The following KCNH2 variants were observed in gnomAD, a reference collection of about 807,000 sequenced individuals.
KCNH2 encodes the protein voltage-gated inwardly rectifying potassium channel KCNH2.
A neutral mutation model predicts 95.9 loss-of-function variants in KCNH2; 35 were observed. The observed-to-expected ratio is 0.37, with a 90% CI of 0.28 to 0.48. The LOEUF is 0.48. Among genes scored for constraint, KCNH2 ranks in the 20% least tolerant of loss-of-function variants. The pLI is 0.99. For missense variants in KCNH2, 1,274 were observed against 1,702.9 expected, an observed-to-expected ratio of 0.75 and a Z score of 4.43; for synonymous variants, 786 against 754.7, an observed-to-expected ratio of 1.04 and a Z score of -0.68.
chr7:150,955,058 G>A (rs913117732), intron 5 of KCNH2, among the ~76,000 whole-genome samples: 5 of 152,194 alleles, frequency 3.3e-5, no homozygotes, highest in African/African-American at 1.2e-4. Flanking sequence ...TCCTGGTCCT[G>A]CCCATGGGCT....
At chr7:150,975,707 G>T (rs572793985) in intron 1 of KCNH2, among the ~76,000 whole-genome samples, 2 of 152,242 alleles carry the variant, frequency 1.3e-5, no homozygotes, top group Non-Finnish European at 2.9e-5. Flanking sequence ...CTTGCAGCTT[G>T]TAAATGATAG....
chr7:150,946,982 C>A lies in KCNH2; in HGVS notation c.3225G>T (p.Pro1075=), dbSNP rs778119775. ...QLLQRQMTLV[P]PAYSAVTTPG... is the part of the protein sequence containing the mutation. The stretch of plus-strand genomic sequence containing the variant: ...GGGTGGTCACAGCACTGTAGGCGGG[C>A]GGGACCAGCGTCATCTGCCTCTGTA... The change falls in exon 14 of 15, where the codon CCG becomes CCT. Residue 1075 remains proline (P), a synonymous_variant. Transcript: ENST00000262186. The surrounding 1 kb of genome is among the most constrained non-coding windows in gnomAD (Gnocchi z 6.5). 2.5e-6 allele frequency: 4 copies of A among 1,609,824 alleles called. No individual in the cohort carries two copies. The highest frequency in any genetic ancestry group is 1.1e-5 in the South Asian group (1 of 90,766).
rs5888422 is a variant in KCNH2, at chr7:150,975,074, T to TC, written c.77-134dup. Reference sequence around the variant, plus strand: ...ACAGGAAGCATGGCTGGGACTGGGGTCCCAGCAGGGGGCGAACGCAGCTGT... The same window carrying TC: ...ACAGGAAGCATGGCTGGGACTGGGGTCCCCAGCAGGGGGCGAACGCAGCTGT... On this transcript the variant is annotated intron_variant, in intron 1 of 14. Transcript: ENST00000262186. The TC allele has an allele frequency of 1, 742,210 of 742,226 alleles. 371,097 individuals carry two copies. The highest frequency in any genetic ancestry group is 1 in the Middle Eastern group (2,550 of 2,550). The allele number at this position is 742,226 out of a possible 1,614,324, so 46.0% of individuals were successfully genotyped here.
intron 4 of KCNH2, 71 bp downstream of exon 4, chr7:150,957,988 C>T (rs1801433894): frequency 1.7e-6 from 2 of 1,205,280 alleles, no homozygotes; most frequent in East Asian, 5.9e-5. Flanking sequence ...AAGCCGAGGG[C>T]CCAGAATGCA....
rs1800958758 is a variant in KCNH2 at position 150,947,652 on chromosome 7, CA to C, written c.2918del (p.Leu973ArgfsTer84). On this transcript the variant is annotated frameshift_variant, in exon 12 of 15. Transcript: ENST00000262186. LOFTEE classifies it high-confidence loss of function. The part of the protein sequence containing the change: ...PPGEPPGGEP[L>X]MEDCEKSSDT... ...CGCTGCTCTTCTCGCAGTCCTCCAT[CA>C]GGGGCTCCCCACCCGGCGGCTCTCC... The C allele has an allele frequency of 6.2e-7, 1 of 1,611,430 alleles. No homozygotes were observed. The highest frequency in any genetic ancestry group is 8.5e-7 in the Non-Finnish European group (1 of 1,179,028).
chr7:150,972,773 G>C (rs1391519165), intron 2 of KCNH2, among the ~76,000 whole-genome samples: 1 of 152,194 alleles, frequency 6.6e-6, no homozygotes, highest in Non-Finnish European at 1.5e-5. Context: ...CCTTCCACCT[G>C]CAAGTCGAAT....
intron 9 of KCNH2, chr7:150,949,534 AT>A (rs1801053072): frequency 2.3e-6 from 2 of 883,264 alleles, no homozygotes. Context: ...TGAAACTTTG[AT>A]TTTAGTTTTG....
chr7:150,959,538 A>G, intron 3 of KCNH2, 34 bp downstream of exon 3: 5 of 1,611,036 alleles, frequency 3.1e-6, no homozygotes, highest in Non-Finnish European at 4.2e-6. Flanking sequence ...GAGACCACGA[A>G]CCCCTGAGCC....
chr7:150,966,266 C>T (rs895021108), intron 2 of KCNH2, among the ~76,000 whole-genome samples: 5 of 141,572 alleles, frequency 3.5e-5, no homozygotes, highest in African/African-American at 1.3e-4. Context: ...TCTGTCTTGG[C>T]TCCTAGCATA....
Position 150,952,568 on chromosome 7 carries a change from G to A in KCNH2, c.1414C>T (p.Arg472Cys), listed in dbSNP as rs776485360. 6 of 1,614,078 alleles carry A rather than the reference G, an allele frequency of 3.7e-6. No homozygotes were observed. The highest frequency in any genetic ancestry group is 1.1e-5 in the South Asian group (1 of 91,082). ...MFIVDILINF[R>C]TTYVNANEEV... The stretch of plus-strand genomic sequence containing the variant: ...TCGTTGGCATTGACGTAGGTGGTGC[G>A]GAAGTTGATGAGGATGTCCACAATG... Residue 472 changes from arginine to cysteine, a missense_variant, in exon 6 of 15, where the codon CGC becomes TGC. Physicochemically the swap from Arg to Cys is radical, Grantham distance 180 (BLOSUM62 -3). Transcript: ENST00000262186. This position sits in a 1 kb window ranked among gnomAD's most constrained non-coding sequence, Gnocchi z 7.3.
At chr7:150,949,749 G>A (rs1264877731) in intron 9 of KCNH2, 1 of 1,188,882 alleles carries the variant, frequency 8.4e-7, no homozygotes, top group Non-Finnish European at 1.1e-6. Context: ...GAAGTGGGGG[G>A]AGGGGGCAGG....
chr7:150,969,742 G>A (rs1801792270), intron 2 of KCNH2, among the ~76,000 whole-genome samples: 1 of 152,232 alleles, frequency 6.6e-6, no homozygotes, highest in African/African-American at 2.4e-5. Flanking sequence ...TCAAGGCCTG[G>A]TGGCGGGGAG....
Position 150,962,252 on chromosome 7 carries a change from CAGGAAGCCTT to C in KCNH2, c.308-2526_308-2517del, listed in dbSNP as rs1210627012. On this transcript the variant is annotated intron_variant, in intron 2 of 14. Coordinates refer to ENST00000262186, the MANE Select transcript of KCNH2 (RefSeq NM_000238.4). This position sits in a 1 kb window ranked among gnomAD's most constrained non-coding sequence, Gnocchi z 5.7. ...CCAGGACTGAGGAGAGGCTGGAGAC[CAGGAAGCCTT>C]AGCCCAAGAGACCCCAGCACCCACC... Among the ~76,000 whole-genome samples the C allele has an allele frequency of 1.3e-5, 2 of 152,204 alleles. No homozygotes were observed. The highest frequency in any genetic ancestry group is 4.8e-5 in the African/African-American group (2 of 41,442).
chr7:150,959,481 C>T (rs1362063183), intron 3 of KCNH2, 91 bp downstream of exon 3: 2 of 1,478,948 alleles, frequency 1.4e-6, no homozygotes, highest in Non-Finnish European at 1.9e-6. Context: ...TACATCCTCC[C>T]TTCCTGCAGA....
In KCNH2 at chr7:150,947,279, T is replaced by C. The variant is rs1162756141; in HGVS notation, c.3152+49A>G. 5 of 1,461,834 alleles carry C rather than the reference T, an allele frequency of 3.4e-6. No individual in the cohort carries two copies. In the Admixed American group the frequency reaches 6.0e-5, roughly 18 times the overall value. The allele number at this position is 1,461,834 out of a possible 1,614,324, so 90.6% of individuals were successfully genotyped here. On this transcript the variant is annotated intron_variant, in intron 13 of 14. Transcript: ENST00000262186. ...TCTACCAGACAACACCGCCAGGACC[T>C]GGACCAGACTCCAGGGCGTGCCCCC...
At chr7:150,972,887 C>A (rs1437864099) in intron 2 of KCNH2, among the ~76,000 whole-genome samples, 5 of 152,236 alleles carry the variant, frequency 3.3e-5, no homozygotes, top group Non-Finnish European at 7.3e-5. Flanking sequence ...GCCAGCTCCA[C>A]CTAAGAGCAC....
At position 150,952,458 on chromosome 7, in the gene KCNH2, G is replaced by A. The variant is rs555601424; in HGVS notation, c.1524C>T (p.Phe508=). 1.7e-5 allele frequency: 27 copies of A among 1,614,156 alleles called. No homozygotes were observed. Among genetic ancestry groups the A allele is most frequent in the African/African-American group, 1.1e-4 (8 of 75,048 alleles). Residue 508 remains phenylalanine (F), a synonymous_variant, in exon 6 of 15, where the codon TTC becomes TTT. Transcript: ENST00000262186. This position sits in a 1 kb window ranked among gnomAD's most constrained non-coding sequence, Gnocchi z 7.3. The stretch of plus-strand genomic sequence containing the variant: ...AGCCAGAGCCGAAGATGAGCAGGTC[G>A]AAGGGGATGGCGGCCACCATGTCGA... ...FLIDMVAAIP[F]DLLIFGSGSE... is the part of the protein sequence containing the mutation.
intron 2 of KCNH2, among the ~76,000 whole-genome samples, chr7:150,967,866 G>T (rs938213197): frequency 1.3e-5 from 2 of 152,150 alleles, no homozygotes; most frequent in African/African-American, 4.8e-5. Flanking sequence ...TTAAAATCTG[G>T]AATACACTGA....
intron 9 of KCNH2, chr7:150,949,406 GCATTT>G (rs1584848690): frequency 1.1e-4 from 59 of 523,356 alleles, no homozygotes; most frequent in Non-Finnish European, 1.4e-4. Context: ...ATCAAAACCA[GCATTT>G]TTTTTTTTTT....
Sources: allele counts gnomAD v4.1 joint callset (sites outside exome capture counted in the v4.1 genomes callset), GRCh38; gene constraint gnomAD v4.1.1; non-coding constraint Gnocchi (gnomAD v3.1); transcripts MANE v1.5; gene names NCBI Gene and HGNC (gene_info 2026-07-23, HGNC 2026-07-21).